The following AAMDC variants were observed in gnomAD, a reference collection of about 807,000 sequenced individuals.
The protein encoded by AAMDC is mth938 domain-containing protein.
In AAMDC, 16 loss-of-function variants were observed where a neutral mutation model predicts 15.5. That is an observed-to-expected ratio of 1.03 (90% CI 0.70 to 1.57). The LOEUF is 1.57. AAMDC is among the 40% of genes most tolerant of loss of function. The pLI is 0.00. For synonymous variants in AAMDC, 51 were observed against 51.6 expected (o/e 0.99, Z 0.05); for missense variants, 141 against 144.9 (o/e 0.97, Z 0.14).
chr11:77,889,048 C>T (rs1480235090), intron 5 of AAMDC, among the ~76,000 whole-genome samples: 3 of 152,142 alleles, frequency 2.0e-5, no homozygotes, highest in Non-Finnish European at 4.4e-5. Context: ...CTAGAAATAC[C>T]ATTTGACCCA....
At chr11:77,884,857 T>C in intron 5 of AAMDC, 1 of 354,688 alleles carries the variant, frequency 2.8e-6, no homozygotes. Flanking sequence ...TGGGCGCAAG[T>C]GATCTTCCTG....
intron 3 of AAMDC, among the ~76,000 whole-genome samples, chr11:77,871,442 C>T (rs1590979617): frequency 2.0e-5 from 3 of 151,994 alleles, no homozygotes; most frequent in Admixed American, 6.6e-5. Flanking sequence ...AGGTTCATGC[C>T]CCTCATGGAT....
At chr11:77,853,390 T>C (rs1057098927) in intron 2 of AAMDC, among the ~76,000 whole-genome samples, 1 of 152,120 alleles carries the variant, frequency 6.6e-6, no homozygotes, top group Non-Finnish European at 1.5e-5. Flanking sequence ...GAAGCTGGCA[T>C]GTCTTACATG....
intron 1 of AAMDC, among the ~76,000 whole-genome samples, chr11:77,824,009 G>T (rs1167981734): frequency 1.3e-5 from 2 of 152,078 alleles, no homozygotes; most frequent in African/African-American, 4.8e-5. Context: ...TAGAGTTTCT[G>T]CCTTTTCTAA....
At chr11:77,842,232 TC>T (rs1000871993) in intron 1 of AAMDC, among the ~76,000 whole-genome samples, 3 of 152,322 alleles carry the variant, frequency 2.0e-5, no homozygotes, top group African/African-American at 7.2e-5. Context: ...ATTTTATCTC[TC>T]AAAAATATCC....
chr11:77,873,180 T>C (rs578007535), downstream of AAMDC, among the ~76,000 whole-genome samples: 259 of 152,356 alleles, frequency 1.7e-3, 2 homozygotes, highest in Non-Finnish European at 3.0e-3. Flanking sequence ...GAACTGCAGC[T>C]CACTGCCACT....
chr11:77,852,339 T>C (rs149837915), intron 2 of AAMDC, among the ~76,000 whole-genome samples: 84 of 152,284 alleles, frequency 5.5e-4, no homozygotes, highest in African/African-American at 1.9e-3. Context: ...ATTTGGTTTA[T>C]TTGTTTCTGT....
At chr11:77,890,185 T>C (rs1454645808) in intron 5 of AAMDC, among the ~76,000 whole-genome samples, 1 of 152,192 alleles carries the variant, frequency 6.6e-6, no homozygotes, top group African/African-American at 2.4e-5. Flanking sequence ...CAATATGCAA[T>C]ACAACTTCAC....
At chr11:77,875,896 T>C (rs987760149), downstream of AAMDC, among the ~76,000 whole-genome samples, 2 of 151,692 alleles carry the variant, frequency 1.3e-5, no homozygotes, top group East Asian at 1.9e-4. Flanking sequence ...TCAAGTGGAG[T>C]ACAGAGACAG....
chr11:77,863,175 C>T (rs1278264105), intron 2 of AAMDC, among the ~76,000 whole-genome samples: 1 of 152,156 alleles, frequency 6.6e-6, no homozygotes, highest in Non-Finnish European at 1.5e-5. Context: ...CCGTGGAACC[C>T]AGTGACTAGT....
At chr11:77,886,757 G>C (rs1226156087) in intron 5 of AAMDC, among the ~76,000 whole-genome samples, 2 of 145,820 alleles carry the variant, frequency 1.4e-5, no homozygotes, top group African/African-American at 2.5e-5. Flanking sequence ...CGCCCGGCGA[G>C]GGGGCGGGGC....
chr11:77,880,726 G>C lies in AAMDC; in HGVS notation c.328+3677G>C, dbSNP rs139042320. Among the ~76,000 whole-genome samples, 16 of 152,300 alleles carry C rather than the reference G, an allele frequency of 1.1e-4. No individual in the cohort carries two copies. In the East Asian group the frequency reaches 3.1e-3, roughly 29 times the overall value. On this transcript the variant is annotated intron_variant, in intron 5 of 5. Transcript: ENST00000304716. The stretch of plus-strand genomic sequence containing the variant: ...TAATCCCAGCACTTTGGGAGGGCAA[G>C]GCAGGAGAATCACTTGATCCCAGGT...
rs900792730 is a variant in AAMDC, at chr11:77,869,918, T to C, written c.228+101T>C. 1.5e-5 allele frequency: 17 copies of C among 1,114,142 alleles called. No homozygotes were observed. The African/African-American group carries it at 1.9e-4, about 12-fold the overall frequency. 69.0% of individuals were successfully genotyped at this position (1,114,142 alleles called of 1,614,324 possible). ...CTTGGGAGGTCATCTTTATATATCA[T>C]GTACCCTCATTTTGCTGACCCAGGA... is the stretch of plus-strand genomic sequence containing the variant. On this transcript the variant is annotated intron_variant, in intron 3 of 3. Coordinates refer to ENST00000393427, the MANE Select transcript of AAMDC (RefSeq NM_024684.4).
downstream of AAMDC, among the ~76,000 whole-genome samples, chr11:77,875,139 T>C (rs1316120056): frequency 6.6e-6 from 1 of 152,176 alleles, no homozygotes; most frequent in African/African-American, 2.4e-5. Context: ...AAAGCAAATA[T>C]AAAGTCCTTT....
downstream of AAMDC, among the ~76,000 whole-genome samples, chr11:77,874,350 A>G (rs1418402428): frequency 2.7e-5 from 4 of 148,496 alleles, no homozygotes; most frequent in African/African-American, 7.4e-5. Context: ...TAAAATTCAG[A>G]CTGTTTCTCT....
chr11:77,852,214 G>A (rs1416051639), intron 2 of AAMDC, among the ~76,000 whole-genome samples: 1 of 29,508 alleles, frequency 3.4e-5, no homozygotes, highest in Admixed American at 5.1e-4. Flanking sequence ...AACAGAATGA[G>A]ACACTGTCTC....
intron 2 of AAMDC, among the ~76,000 whole-genome samples, chr11:77,862,538 T>G (rs1950926911): frequency 6.6e-6 from 1 of 152,174 alleles, no homozygotes; most frequent in Non-Finnish European, 1.5e-5. Context: ...TTTGGTTCAT[T>G]GTTTACCCCT....
chr11:77,836,484 T>G (rs1363494107), intron 1 of AAMDC, among the ~76,000 whole-genome samples: 1 of 152,122 alleles, frequency 6.6e-6, no homozygotes, highest in Non-Finnish European at 1.5e-5. Flanking sequence ...CAACCAATCC[T>G]ATTGGCACCT....
chr11:77,851,776 G>C (rs537818178), intron 2 of AAMDC, among the ~76,000 whole-genome samples: 1 of 152,060 alleles, frequency 6.6e-6, no homozygotes, highest in Non-Finnish European at 1.5e-5. Context: ...CAGAAGTCAA[G>C]CAGATGCTGG....
Sources: gnomAD v4.1 joint callset for allele counts (sites outside exome capture counted in the v4.1 genomes callset) on GRCh38, gnomAD v4.1.1 for gene constraint, MANE v1.5 for transcripts, NCBI Gene and HGNC (gene_info 2026-07-23, HGNC 2026-07-21) for gene names.